Variants in MYO3B observed in about 807,000 individuals in gnomAD.
MYO3B encodes myosin-IIIb.
Under a neutral mutation model 174.6 loss-of-function variants are expected in MYO3B, and 156 were observed. The ratio of observed to expected loss-of-function variants is 0.89; its 90% confidence interval spans 0.78 to 1.02. The LOEUF is 1.02. Among genes scored for constraint, MYO3B ranks in the 50% least tolerant of loss-of-function variants. MYO3B has a pLI of 0.00. For synonymous variants in MYO3B, 563 were observed against 569.1 expected (o/e 0.99, Z 0.15); for missense variants, 1,632 against 1,639.4 (o/e 1.00, Z 0.08).
At chr2:170,378,896 G>T (rs984188245) in intron 9 of MYO3B, among the ~76,000 whole-genome samples, 1 of 152,148 alleles carries the variant, frequency 6.6e-6, no homozygotes, top group Non-Finnish European at 1.5e-5. Flanking sequence ...CTCACCATTG[G>T]TTCAGTGGTA....
intron 9 of MYO3B, among the ~76,000 whole-genome samples, chr2:170,374,611 C>G (rs568942873): frequency 5.3e-5 from 8 of 152,202 alleles, no homozygotes; most frequent in Admixed American, 2.6e-4. Flanking sequence ...AGAGCAGAAG[C>G]TGTACTGTGC....
In MYO3B at chr2:170,190,430, C is replaced by G. The variant is rs866757158; in HGVS notation, c.3-8778C>G. On this transcript the variant is annotated intron_variant, in intron 1 of 34. Coordinates refer to ENST00000408978, the MANE Select transcript of MYO3B (RefSeq NM_138995.5). ...AAGCCAGCTAGGTTTGTGTCCTTCC[C>G]CTGTAGGGCAGCAAGATCCCCCTGG... Among the ~76,000 whole-genome samples the G allele has an allele frequency of 2.6e-5, 4 of 152,246 alleles. No homozygotes were observed. In the Middle Eastern group the frequency reaches 0.01, roughly 388 times the overall value.
chr2:170,329,159 A>C (rs2093892076), intron 7 of MYO3B, among the ~76,000 whole-genome samples: 1 of 151,960 alleles, frequency 6.6e-6, no homozygotes, highest in Non-Finnish European at 1.5e-5. Flanking sequence ...CTCCAAAAAA[A>C]AAAATACTAC....
At chr2:170,494,727 C>CAG in intron 25 of MYO3B, among the ~76,000 whole-genome samples, 1 of 92,050 alleles carries the variant, frequency 1.1e-5, no homozygotes, top group South Asian at 4.1e-4. Flanking sequence ...AACTGCGTCT[C>CAG]AAAAAAAAAA....
At chr2:170,598,583 A>G (rs1308120329) in intron 32 of MYO3B, among the ~76,000 whole-genome samples, 1 of 152,186 alleles carries the variant, frequency 6.6e-6, no homozygotes, top group East Asian at 1.9e-4. Context: ...TATACTAAGA[A>G]CCATGCTATG....
rs1209506891 is a variant in MYO3B at position 170,466,559 on chromosome 2, G to A, written c.2862G>A (p.Val954=). The change falls in exon 25 of 35, where the codon GTG becomes GTA. Residue 954 remains valine, a synonymous_variant. Coordinates refer to ENST00000408978, the MANE Select transcript of MYO3B (RefSeq NM_138995.5). The part of the protein sequence containing the change: ...SKMVVGQPHF[V]RCIKPNDDRE... ...TGGTGGTTGGACAGCCCCACTTTGT[G>A]CGCTGCATTAAACCCAATGATGACC... The A allele has an allele frequency of 6.2e-7, 1 of 1,614,180 alleles. No individual in the cohort carries two copies. The highest frequency in any genetic ancestry group is 8.5e-7 in the Non-Finnish European group (1 of 1,180,026).
chr2:170,320,126 A>T (rs1344703597), intron 7 of MYO3B, among the ~76,000 whole-genome samples: 2 of 152,174 alleles, frequency 1.3e-5, no homozygotes, highest in South Asian at 4.1e-4. Context: ...AAGATTCTTT[A>T]AATATATTTT....
At chr2:170,608,578 G>C (rs1369556976) in intron 32 of MYO3B, among the ~76,000 whole-genome samples, 4 of 151,682 alleles carry the variant, frequency 2.6e-5, no homozygotes, top group Non-Finnish European at 5.9e-5. Flanking sequence ...GCATAGATGT[G>C]CTCAGAACAA....
At chr2:170,550,682 G>C (rs1272345429) in intron 32 of MYO3B, among the ~76,000 whole-genome samples, 1 of 152,116 alleles carries the variant, frequency 6.6e-6, no homozygotes, top group African/African-American at 2.4e-5. Context: ...ATAATATCTT[G>C]GTCTTTGCAG....
At chr2:170,270,987 A>G (rs2093421635) in intron 7 of MYO3B, among the ~76,000 whole-genome samples, 1 of 152,230 alleles carries the variant, frequency 6.6e-6, no homozygotes, top group Non-Finnish European at 1.5e-5. Context: ...TTATAAGCAT[A>G]TCCACATTTA....
chr2:170,548,095 A>G (rs889568824), intron 32 of MYO3B, among the ~76,000 whole-genome samples: 23 of 132,034 alleles, frequency 1.7e-4, no homozygotes, highest in Admixed American at 1.7e-3. Context: ...AAACAGAGCA[A>G]GACTCCGTCT....
chr2:170,200,748 G>A (rs1229384185), intron 3 of MYO3B, among the ~76,000 whole-genome samples: 1 of 152,172 alleles, frequency 6.6e-6, no homozygotes, highest in African/African-American at 2.4e-5. Context: ...AGAGTTCTTA[G>A]CGGAGGTAGA....
chr2:170,282,000 A>G lies in MYO3B; in HGVS notation c.749+45864A>G, dbSNP rs558988897. On this transcript the variant is annotated intron_variant, in intron 7 of 34. Coordinates refer to ENST00000408978, the MANE Select transcript of MYO3B (RefSeq NM_138995.5). ...TTTGAGTTCCTTGTGTATTCTGGAT[A>G]TTAGCCCCTTGTCAGATGAATATTT... 5.7e-4 allele frequency among the ~76,000 whole-genome samples: 87 copies of G among 152,284 alleles called. No individual in the cohort carries two copies. In the South Asian group the frequency reaches 0.015, roughly 26 times the overall value.
intron 1 of MYO3B, among the ~76,000 whole-genome samples, chr2:170,196,971 A>G (rs918057520): frequency 1.3e-5 from 2 of 151,566 alleles, no homozygotes; most frequent in African/African-American, 4.9e-5. Flanking sequence ...TGCAGATAAC[A>G]TCACTATTTT....
chr2:170,400,104 A>G, intron 16 of MYO3B, 84 bp from the exon 17 acceptor site: 1 of 1,565,480 alleles, frequency 6.4e-7, no homozygotes. Flanking sequence ...TTGGTAGACA[A>G]CTAGTAGTTT....
chr2:170,412,736 G>T (rs2094553665), intron 22 of MYO3B, among the ~76,000 whole-genome samples: 2 of 152,184 alleles, frequency 1.3e-5, no homozygotes, highest in African/African-American at 4.8e-5. Flanking sequence ...ACTTATGGCT[G>T]TTGGTCTATC....
intron 21 of MYO3B, among the ~76,000 whole-genome samples, chr2:170,407,125 T>C (rs115978718): frequency 0.012 from 1,794 of 152,272 alleles, 45 homozygotes; most frequent in African/African-American, 0.041. Flanking sequence ...TATATTTTAA[T>C]AATTATTCTG....
chr2:170,584,195 A>G (rs1241312101), intron 32 of MYO3B, among the ~76,000 whole-genome samples: 1 of 152,236 alleles, frequency 6.6e-6, no homozygotes, highest in Admixed American at 6.5e-5. Flanking sequence ...TGGTCCCCCT[A>G]TGGGGCTCTA....
chr2:170,273,311 A>C (rs2093438763), intron 7 of MYO3B, among the ~76,000 whole-genome samples: 1 of 152,092 alleles, frequency 6.6e-6, no homozygotes, highest in Non-Finnish European at 1.5e-5. Flanking sequence ...CTGGAGGCGA[A>C]ACTAGGGATC....
Sources: gnomAD v4.1 joint callset for allele counts (sites outside exome capture counted in the v4.1 genomes callset) on GRCh38, gnomAD v4.1.1 for gene constraint, MANE v1.5 for transcripts, NCBI Gene and HGNC (gene_info 2026-07-23, HGNC 2026-07-21) for gene names.